Variants in UVRAG observed in about 807,000 individuals in gnomAD.
UVRAG encodes UV radiation resistance-associated gene protein.
UVRAG carries 19 observed loss-of-function variants against 78.0 expected under a neutral mutation model. The observed-to-expected ratio is 0.24, with a 90% CI of 0.17 to 0.36. The LOEUF is 0.36. Ranked by LOEUF, UVRAG falls within the 10% of genes least tolerant of loss-of-function variation. UVRAG has a pLI of 1.00. For missense variants in UVRAG, 740 were observed against 853.8 expected, an observed-to-expected ratio of 0.87 and a Z score of 1.66; for synonymous variants, 323 against 324.6, an observed-to-expected ratio of 1.00 and a Z score of 0.05.
chr11:76,116,181 G>C (rs923840103), intron 14 of UVRAG, among the ~76,000 whole-genome samples, 166 bp downstream of exon 14: 1 of 152,190 alleles, frequency 6.6e-6, no homozygotes, highest in Non-Finnish European at 1.5e-5. Flanking sequence ...CTAAGCTCCC[G>C]TCTGGCTAAG....
rs140332206 is a variant in UVRAG at position 76,007,619 on chromosome 11, T to G, written c.997T>G (p.Leu333Val). 1 of 1,610,924 alleles carries G rather than the reference T, an allele frequency of 6.2e-7. No individual in the cohort carries two copies. The highest frequency in any genetic ancestry group is 1.7e-5 in the Admixed American group (1 of 59,596). Reference protein sequence around the residue: ...SELSYIYPIDLNEHKDYFVCG... With the variant: ...SELSYIYPIDVNEHKDYFVCG... ...GCTTTCCTACATTTACCCTATTGAT[T>G]TGGTAAGTTTCAAATTTTCTGAAAA... The change falls in exon 10 of 15, where the codon TTG becomes GTG. Residue 333 changes from leucine to valine, a missense_variant and splice_region_variant. Physicochemically the swap from Leu to Val is conservative, Grantham distance 32. Transcript: ENST00000356136.
chr11:75,946,871 A>G (rs1948598068), intron 6 of UVRAG, among the ~76,000 whole-genome samples: 1 of 152,212 alleles, frequency 6.6e-6, no homozygotes, highest in Admixed American at 6.5e-5. Context: ...CCATAACAAA[A>G]TACCAGTCTG....
At chr11:75,897,258 CCTT>C (rs1947363172) in intron 5 of UVRAG, among the ~76,000 whole-genome samples, 1 of 152,114 alleles carries the variant, frequency 6.6e-6, no homozygotes, top group South Asian at 2.1e-4. Context: ...AATGAAAACT[CCTT>C]ATTTTATATT....
intron 1 of UVRAG, chr11:75,839,030 A>G (rs951414373): frequency 1.3e-5 from 2 of 152,226 alleles, no homozygotes; most frequent in African/African-American, 4.8e-5. Context: ...GGCCTGTGTT[A>G]TCAGATTTTT....
intron 6 of UVRAG, among the ~76,000 whole-genome samples, chr11:75,943,985 T>C (rs1334136612): frequency 2.0e-5 from 3 of 152,152 alleles, no homozygotes; most frequent in African/African-American, 4.8e-5. Flanking sequence ...CTGTAGGTGC[T>C]GTAGAGGTGC....
chr11:75,864,158 C>T (rs943008905), intron 3 of UVRAG, among the ~76,000 whole-genome samples: 4 of 151,328 alleles, frequency 2.6e-5, no homozygotes, highest in East Asian at 1.9e-4. Flanking sequence ...TGAGCTGAGG[C>T]GATCCTCTTA....
intron 13 of UVRAG, among the ~76,000 whole-genome samples, chr11:76,078,063 T>C (rs1180307553): frequency 2.0e-5 from 3 of 152,228 alleles, no homozygotes; most frequent in African/African-American, 7.2e-5. Flanking sequence ...TCAGAGAGGA[T>C]GGCATATAAA....
intron 3 of UVRAG, among the ~76,000 whole-genome samples, chr11:75,877,889 G>C (rs1249854317): frequency 1.3e-5 from 2 of 148,540 alleles, no homozygotes; most frequent in African/African-American, 5.0e-5. Context: ...CCTCCCGGAC[G>C]GGGCGGCTGG....
intron 7 of UVRAG, among the ~76,000 whole-genome samples, chr11:75,962,581 T>C (rs546377689): frequency 1.0e-3 from 154 of 152,304 alleles, no homozygotes; most frequent in Non-Finnish European, 1.9e-3. Flanking sequence ...GTAATTCTTA[T>C]TATTCACTTG....
At chr11:76,015,086 A>G (rs904642875) in intron 11 of UVRAG, among the ~76,000 whole-genome samples, 3 of 152,232 alleles carry the variant, frequency 2.0e-5, no homozygotes, top group Non-Finnish European at 4.4e-5. Context: ...GTTGAGTACT[A>G]TGCAAGTCAT....
intron 13 of UVRAG, among the ~76,000 whole-genome samples, chr11:76,090,947 T>C (rs976153176): frequency 3.3e-5 from 5 of 152,206 alleles, no homozygotes; most frequent in East Asian, 3.8e-4. Context: ...ATTTCTCTTA[T>C]GTTGAAACCT....
intron 4 of UVRAG, among the ~76,000 whole-genome samples, chr11:75,887,766 T>G (rs1011729061): frequency 1.2e-4 from 19 of 152,060 alleles, no homozygotes; most frequent in Non-Finnish European, 2.6e-4. Flanking sequence ...GTATTTTTAG[T>G]AGAGACGGGG....
At chr11:75,840,076 T>C (rs1453902983) in intron 1 of UVRAG, among the ~76,000 whole-genome samples, 1 of 152,148 alleles carries the variant, frequency 6.6e-6, no homozygotes, top group Non-Finnish European at 1.5e-5. Context: ...TTTTCTGTCT[T>C]CAATTTTTAT....
At position 76,129,706 on chromosome 11, in the gene UVRAG, GCTATTTCTGTTTGT is replaced by G. The variant is rs1481235139; in HGVS notation, c.1398-11000_1398-10987del. On this transcript the variant is annotated intron_variant, in intron 14 of 14. Coordinates refer to ENST00000356136, the MANE Select transcript of UVRAG (RefSeq NM_003369.4). Reference sequence around the variant, plus strand: ...CTGGCAATTCCTGCCAATTTCTCCTGCTATTTCTGTTTGTCTATGTCTGTACATTTCCATTCTGA... The same window carrying G: ...CTGGCAATTCCTGCCAATTTCTCCTGCTATGTCTGTACATTTCCATTCTGA... Among the ~76,000 whole-genome samples the G allele has an allele frequency of 9.9e-5, 15 of 152,144 alleles. No homozygotes were observed. The South Asian group carries it at 2.9e-3, about 29-fold the overall frequency.
chr11:75,953,621 G>A (rs1948744233), intron 6 of UVRAG, among the ~76,000 whole-genome samples: 1 of 152,100 alleles, frequency 6.6e-6, no homozygotes, highest in Non-Finnish European at 1.5e-5. Context: ...CTCCTTCAGT[G>A]AGATTATTTT....
intron 5 of UVRAG, among the ~76,000 whole-genome samples, chr11:75,908,806 G>C (rs1947675382): frequency 1.6e-5 from 2 of 124,540 alleles, no homozygotes; most frequent in East Asian, 4.8e-4. Context: ...CAGATTTTCT[G>C]TTTCTTCTTG....
At chr11:76,062,254 T>A (rs563856575) in intron 12 of UVRAG, among the ~76,000 whole-genome samples, 8 of 152,312 alleles carry the variant, frequency 5.3e-5, no homozygotes, top group Admixed American at 2.0e-4. Context: ...CTTAACTATT[T>A]TAGATCTTTT....
At chr11:76,099,810 A>C (rs183883219) in intron 13 of UVRAG, among the ~76,000 whole-genome samples, 162 of 152,124 alleles carry the variant, frequency 1.1e-3, no homozygotes, top group Non-Finnish European at 1.5e-3. Context: ...TCAATTTTGT[A>C]TTGAAGTATT....
intron 13 of UVRAG, among the ~76,000 whole-genome samples, chr11:76,100,929 G>A (rs1951869537): frequency 6.6e-6 from 1 of 152,100 alleles, no homozygotes; most frequent in Admixed American, 6.6e-5. Context: ...TGCCTTCAAA[G>A]AACATGATCT....
Sources: gnomAD v4.1 joint callset for allele counts (sites outside exome capture counted in the v4.1 genomes callset) on GRCh38, gnomAD v4.1.1 for gene constraint, MANE v1.5 for transcripts, NCBI Gene and HGNC (gene_info 2026-07-23, HGNC 2026-07-21) for gene names.